The following NUP160 variants were observed in gnomAD, a reference collection of about 807,000 sequenced individuals.
NUP160 encodes the protein nucleoporin 160.
Under a neutral mutation model 196.9 loss-of-function variants are expected in NUP160, and 94 were observed. The ratio of observed to expected loss-of-function variants is 0.48; its 90% CI spans 0.40 to 0.57. NUP160 has a LOEUF of 0.57. NUP160 is among the 20% of genes least tolerant of loss of function. The pLI, the probability that NUP160 is intolerant of heterozygous loss-of-function variation, is 0.00. For missense variants in NUP160, 1,638 were observed against 1,748.3 expected, an observed-to-expected ratio of 0.94 and a Z score of 1.13; for synonymous variants, 605 against 619.7, an observed-to-expected ratio of 0.98 and a Z score of 0.35.
intron 10 of NUP160, among the ~76,000 whole-genome samples, chr11:47,818,735 G>C (rs1851792433): frequency 6.6e-6 from 1 of 152,044 alleles, no homozygotes; most frequent in African/African-American, 2.4e-5. Context: ...ATGATAAAAT[G>C]ACCAAAATGA....
At chr11:47,826,502 T>A (rs909935081) in intron 7 of NUP160, among the ~76,000 whole-genome samples, 1 of 151,956 alleles carries the variant, frequency 6.6e-6, no homozygotes. Context: ...TCTCAAAATG[T>A]GGTCCACAGA....
chr11:47,832,351 C>T (rs1293016697), intron 7 of NUP160, among the ~76,000 whole-genome samples: 2 of 152,118 alleles, frequency 1.3e-5, no homozygotes, highest in East Asian at 1.9e-4. Flanking sequence ...TGAAAGGCCA[C>T]CAGGTTAGGA....
chr11:47,780,684 C>T (rs1434950402), intron 34 of NUP160, among the ~76,000 whole-genome samples: 2 of 151,896 alleles, frequency 1.3e-5, no homozygotes, highest in Middle Eastern at 3.2e-3. Flanking sequence ...TACAGATGTG[C>T]ACCACCATGC....
intron 20 of NUP160, among the ~76,000 whole-genome samples, chr11:47,805,368 TG>T (rs2097676870): frequency 6.6e-6 from 1 of 152,020 alleles, no homozygotes; most frequent in East Asian, 1.9e-4. Flanking sequence ...TGGCCTCAAG[TG>T]ATCTGCCCGC....
At chr11:47,839,724 T>C in intron 4 of NUP160, 119 bp downstream of exon 4, 1 of 831,584 alleles carries the variant, frequency 1.2e-6, no homozygotes, top group Non-Finnish European at 2.0e-6. Flanking sequence ...CAAGCAATAA[T>C]GAATGACCAG....
intron 2 of NUP160, among the ~76,000 whole-genome samples, chr11:47,846,550 A>G (rs1599354064): frequency 1.3e-5 from 2 of 152,248 alleles, no homozygotes; most frequent in South Asian, 4.1e-4. Context: ...CCCTTACCCC[A>G]TATTCAATCC....
At chr11:47,839,780 G>C (rs1852257690) in intron 4 of NUP160, 63 bp downstream of exon 4, 1 of 1,349,638 alleles carries the variant, frequency 7.4e-7, no homozygotes, top group Non-Finnish European at 1.1e-6. Flanking sequence ...TGACGAGGTT[G>C]AACTGTTTCA....
At chr11:47,810,777 C>T (rs2097680648) in intron 17 of NUP160, among the ~76,000 whole-genome samples, 2 of 151,998 alleles carry the variant, frequency 1.3e-5, no homozygotes, top group Non-Finnish European at 2.9e-5. Flanking sequence ...AACTCCTGGC[C>T]TCAAGTGATC....
At chr11:47,793,141 C>T (rs953948066) in intron 27 of NUP160, among the ~76,000 whole-genome samples, 195 bp from the exon 28 acceptor site, 1 of 152,216 alleles carries the variant, frequency 6.6e-6, no homozygotes, top group South Asian at 2.1e-4. Flanking sequence ...CACACGACCA[C>T]CACGCCCGGC....
Position 47,806,318 on chromosome 11 carries a change from A to G in NUP160, c.2447-6T>C, listed in dbSNP as rs756141772. The stretch of plus-strand genomic sequence containing the variant: ...AATAGTCTGAGGACTAGATACTTAA[A>G]AAGAAAAAGTTATGACAGTTTTGTG... On this transcript the variant is annotated splice_region_variant and splice_polypyrimidine_tract_variant and intron_variant, in intron 19 of 35. Coordinates refer to ENST00000378460, the Ensembl canonical transcript of NUP160. 2 of 1,604,714 alleles carry G rather than the reference A, an allele frequency of 1.2e-6. No individual in the cohort carries two copies. Among genetic ancestry groups the G allele is most frequent in the Non-Finnish European group, 1.7e-6 (2 of 1,174,088 alleles).
intron 9 of NUP160, among the ~76,000 whole-genome samples, chr11:47,819,839 G>A (rs1256084986): frequency 6.6e-6 from 1 of 152,164 alleles, no homozygotes; most frequent in Non-Finnish European, 1.5e-5. Context: ...ATTCATGTAT[G>A]CCTTATAATT....
At chr11:47,846,467 C>T (rs1044356732) in intron 2 of NUP160, among the ~76,000 whole-genome samples, 5 of 152,120 alleles carry the variant, frequency 3.3e-5, no homozygotes, top group Non-Finnish European at 5.9e-5. Flanking sequence ...TAAATGGCAA[C>T]CCCTCCCCAC....
At chr11:47,803,590 A>G in intron 21 of NUP160, 54 bp from the exon 22 acceptor site, 1 of 929,430 alleles carries the variant, frequency 1.1e-6, no homozygotes. Context: ...ACTTAAGGAG[A>G]TACTCATTCC....
chr11:47,780,513 T>C (rs2097660057), intron 34 of NUP160, 66 bp from the exon 35 acceptor site: 1 of 1,035,254 alleles, frequency 9.7e-7, no homozygotes, highest in Non-Finnish European at 1.5e-6. Flanking sequence ...GTAGTTGCTT[T>C]CATAGGACTC....
intron 6 of NUP160, among the ~76,000 whole-genome samples, chr11:47,836,460 T>A (rs10742823): frequency 1 from 151,533 of 152,208 alleles, 75,434 homozygotes; most frequent in Middle Eastern, 1. Context: ...CAAAAAATAC[T>A]AAAATTAGCC....
intron 7 of NUP160, among the ~76,000 whole-genome samples, chr11:47,833,676 T>G (rs544759048): frequency 6.6e-6 from 1 of 152,116 alleles, no homozygotes; most frequent in Non-Finnish European, 1.5e-5. Context: ...AGGGTTAACA[T>G]AGCAGGCCTG....
exon 28 of NUP160, chr11:47,792,919 A>G (rs202052516): frequency 1.9e-6 from 3 of 1,613,834 alleles, no homozygotes; most frequent in Non-Finnish European, 2.5e-6. Context: ...GCCAAGCCGC[A>G]TTCCATACTC....
At chr11:47,780,076 C>G (rs2097659783) in intron 35 of NUP160, among the ~76,000 whole-genome samples, 1 of 152,184 alleles carries the variant, frequency 6.6e-6, no homozygotes, top group South Asian at 2.1e-4. Flanking sequence ...AGGGTCTGCC[C>G]TACCAAATTA....
At chr11:47,813,326 G>C in exon 14 of NUP160, 3 of 1,589,582 alleles carry the variant, frequency 1.9e-6, no homozygotes, top group Non-Finnish European at 2.6e-6. Context: ...CATCAGATAT[G>C]GTTGTCTCAT....
Sources: allele counts gnomAD v4.1 joint callset (sites outside exome capture counted in the v4.1 genomes callset), GRCh38; gene constraint gnomAD v4.1.1; transcripts MANE v1.5; gene names NCBI Gene and HGNC (gene_info 2026-07-23, HGNC 2026-07-21).